The following ZBTB1 variants were observed in gnomAD, a reference collection of about 807,000 sequenced individuals.
ZBTB1 encodes the protein zinc finger and BTB domain-containing protein 1.
A neutral mutation model predicts 51.6 loss-of-function variants in ZBTB1; 13 were observed. That is an observed-to-expected ratio of 0.25 (90% CI 0.16 to 0.40). The LOEUF is 0.40. ZBTB1 is among the 10% of genes least tolerant of loss of function. The pLI is 1.00. For missense variants in ZBTB1, 567 were observed against 856.5 expected (o/e 0.66, Z 4.22); for synonymous variants, 240 against 282.2 (o/e 0.85, Z 1.50).
exon 3 of ZBTB1, chr14:64,531,916 G>C (rs1489924334): frequency 1.2e-6 from 2 of 1,613,222 alleles, no homozygotes; most frequent in Non-Finnish European, 1.7e-6. Flanking sequence ...AATTTGGAGA[G>C]GACATGGGGA....
chr14:64,516,423 A>C (rs555961697), intron 1 of ZBTB1, among the ~76,000 whole-genome samples: 5 of 152,356 alleles, frequency 3.3e-5, no homozygotes, highest in Admixed American at 3.3e-4. Flanking sequence ...TTAAACTACA[A>C]TTCTAGGTCA....
intron 1 of ZBTB1, 85 bp downstream of exon 1, chr14:64,505,031 G>C (rs9323451): frequency 7.9e-6 from 3 of 381,250 alleles, no homozygotes; most frequent in African/African-American, 6.3e-5. Context: ...CGGAGTGCGG[G>C]GCCGGAGGGG....
chr14:64,510,987 G>C (rs140807884), intron 1 of ZBTB1, among the ~76,000 whole-genome samples: 14 of 152,168 alleles, frequency 9.2e-5, no homozygotes, highest in East Asian at 3.8e-4. Flanking sequence ...GGGAAAATTG[G>C]CAACACTTAA....
At chr14:64,530,284 T>C (rs1176798086) in intron 2 of ZBTB1, among the ~76,000 whole-genome samples, 1 of 152,206 alleles carries the variant, frequency 6.6e-6, no homozygotes, top group African/African-American at 2.4e-5. Flanking sequence ...ATAAACTAAA[T>C]GACAATAGCA....
intron 1 of ZBTB1, among the ~76,000 whole-genome samples, chr14:64,508,328 A>T (rs1415322458): frequency 6.6e-6 from 1 of 152,140 alleles, no homozygotes; most frequent in Non-Finnish European, 1.5e-5. Flanking sequence ...TTCCATCCCC[A>T]CTTTGAATCT....
chr14:64,532,819 G>A (rs2079952291), exon 3 of ZBTB1: 1 of 151,878 alleles, frequency 6.6e-6, no homozygotes, highest in African/African-American at 2.4e-5. Flanking sequence ...TAAATATTTG[G>A]TGAGATTTTA....
Position 64,524,716 on chromosome 14 carries a change from G to C in ZBTB1, c.*1070G>C. The C allele has an allele frequency of 1.0e-6, 1 of 984,882 alleles. No individual in the cohort carries two copies. The highest frequency in any genetic ancestry group is 1.2e-6 in the Non-Finnish European group (1 of 829,498). The allele number at this position is 984,882 out of a possible 1,614,324, so 61.0% of individuals were successfully genotyped here. The stretch of plus-strand genomic sequence containing the variant: ...GTTTTATACTGTCTAAGATTTGGAG[G>C]AAATGTGGCAAATTGCAGTTTATCG... On this transcript the variant is annotated 3_prime_UTR_variant, in exon 2 of 2. Coordinates refer to ENST00000683701, the MANE Select transcript of ZBTB1 (RefSeq NM_001123329.2).
chr14:64,528,904 C>G (rs2140189497), downstream of ZBTB1, among the ~76,000 whole-genome samples: 1 of 152,284 alleles, frequency 6.6e-6, no homozygotes, highest in East Asian at 1.9e-4. Flanking sequence ...TTTCTGACTT[C>G]TACATTCCTG....
At chr14:64,506,629 A>G (rs1002244905) in intron 1 of ZBTB1, among the ~76,000 whole-genome samples, 2 of 152,248 alleles carry the variant, frequency 1.3e-5, no homozygotes, top group Non-Finnish European at 2.9e-5. Context: ...CGTCTACAGT[A>G]GAGTCTTCAG....
At position 64,523,984 on chromosome 14, in the gene ZBTB1, T is replaced by G. The variant is rs1012098207; in HGVS notation, c.*338T>G. The G allele has an allele frequency of 2.3e-5, 22 of 963,234 alleles. No homozygotes were observed. In the East Asian group the frequency reaches 6.6e-4, roughly 29 times the overall value. The allele number at this position is 963,234 out of a possible 1,614,324, so 59.7% of individuals were successfully genotyped here. A position where few individuals can be genotyped will look rare whatever the true frequency, so the allele number is the denominator to read the frequency against. ...TGATGACTTCACTATTTCTATGTGT[T>G]TTTTTTTTTTTAAGGTTATCCTGTG... is the stretch of plus-strand genomic sequence containing the variant. On this transcript the variant is annotated 3_prime_UTR_variant, in exon 2 of 2. Transcript: ENST00000683701. This position sits in a 1 kb window ranked among gnomAD's most constrained non-coding sequence, Gnocchi z 4.5.
At chr14:64,504,631 G>A (rs577442040), upstream of ZBTB1, 87 of 318,432 alleles carry the variant, frequency 2.7e-4, no homozygotes, top group Non-Finnish European at 4.4e-4. Context: ...GCCAGCGGCA[G>A]AGTGGGTGGG....
intron 1 of ZBTB1, among the ~76,000 whole-genome samples, chr14:64,520,177 G>A (rs919619330): frequency 1.3e-5 from 2 of 151,942 alleles, no homozygotes; most frequent in African/African-American, 2.4e-5. Flanking sequence ...AATTTTTTTT[G>A]TATTTTTAGT....
downstream of ZBTB1, among the ~76,000 whole-genome samples, chr14:64,526,149 C>T (rs1278928005): frequency 6.6e-6 from 1 of 152,146 alleles, no homozygotes; most frequent in Non-Finnish European, 1.5e-5. Context: ...TTTCATGTTA[C>T]ACAGAACATA....
rs2079890179 is a variant in ZBTB1, at chr14:64,524,681, AAT to A, written c.*1036_*1037del. 2.0e-6 allele frequency: 2 copies of A among 985,142 alleles called. No homozygotes were observed. The highest frequency in any genetic ancestry group is 2.4e-6 in the Non-Finnish European group (2 of 829,658). The allele number at this position is 985,142 out of a possible 1,614,324, so 61.0% of individuals were successfully genotyped here. ...TCTATAAAAGTAGAGTGCACAAAAAAATGTCTTGTGTTTTATACTGTCTAAGA... is the reference window on the plus strand; with the variant it reads ...TCTATAAAAGTAGAGTGCACAAAAAAGTCTTGTGTTTTATACTGTCTAAGA... On this transcript the variant is annotated 3_prime_UTR_variant, in exon 2 of 2. Coordinates refer to ENST00000683701, the MANE Select transcript of ZBTB1 (RefSeq NM_001123329.2).
chr14:64,528,344 CTTTTTTTTT>C (rs71123857), downstream of ZBTB1, among the ~76,000 whole-genome samples: 5 of 115,538 alleles, frequency 4.3e-5, no homozygotes, highest in Admixed American at 1.8e-4. Flanking sequence ...TTTTTCTTTT[CTTTTTTTTT>C]TTTTTTTTTT....
chr14:64,532,469 C>T (rs1234855568), exon 3 of ZBTB1: 3 of 152,236 alleles, frequency 2.0e-5, no homozygotes, highest in African/African-American at 7.2e-5. Context: ...TTGGTTATTA[C>T]TCACTATAGT....
upstream of ZBTB1, chr14:64,503,995 C>G: frequency 6.6e-6 from 1 of 152,278 alleles, no homozygotes; most frequent in East Asian, 1.9e-4. Flanking sequence ...TAGGGACAAG[C>G]CTGAGCGTCA....
downstream of ZBTB1, among the ~76,000 whole-genome samples, chr14:64,525,179 T>C (rs1170831547): frequency 1.3e-5 from 2 of 152,148 alleles, no homozygotes; most frequent in African/African-American, 4.8e-5. Context: ...ACAGATTTAG[T>C]TGAAAGCATT....
intron 1 of ZBTB1, chr14:64,514,466 G>T (rs1343351612): frequency 6.6e-6 from 1 of 152,248 alleles, no homozygotes; most frequent in South Asian, 2.1e-4. Context: ...CATTGGATAT[G>T]CTTATTTATA....
Sources: gnomAD v4.1 joint callset for allele counts (sites outside exome capture counted in the v4.1 genomes callset) on GRCh38, gnomAD v4.1.1 for gene constraint, Gnocchi (gnomAD v3.1) non-coding constraint, MANE v1.5 for transcripts, NCBI Gene and HGNC (gene_info 2026-07-23, HGNC 2026-07-21) for gene names.